Variants in CDH2 observed in about 807,000 individuals in gnomAD.
CDH2 encodes the protein cadherin-2.
CDH2 carries 17 observed loss-of-function variants against 92.0 expected under a neutral mutation model. The observed-to-expected ratio is 0.18, with a 90% CI of 0.13 to 0.28. The LOEUF (loss-of-function observed/expected upper bound fraction) is 0.28. Among genes scored for constraint, CDH2 ranks in the 10% least tolerant of loss-of-function variants. CDH2 has a pLI of 1.00. For missense variants in CDH2, 862 were observed against 1,133.1 expected (o/e 0.76, Z 3.44); for synonymous variants, 419 against 415.9 (o/e 1.01, Z -0.09).
At chr18:28,025,154 G>C (rs186257311) in intron 2 of CDH2, among the ~76,000 whole-genome samples, 12 of 152,084 alleles carry the variant, frequency 7.9e-5, no homozygotes, top group Non-Finnish European at 7.4e-5. Context: ...TCAGGGAGAT[G>C]ATCTGGGGAA....
At chr18:28,016,102 T>G (rs1355844036) in intron 2 of CDH2, among the ~76,000 whole-genome samples, 1 of 152,236 alleles carries the variant, frequency 6.6e-6, no homozygotes, top group Non-Finnish European at 1.5e-5. Context: ...GCCTATGCCC[T>G]CATTTGGAAC....
chr18:27,953,515 C>T (rs537486809), intron 15 of CDH2, among the ~76,000 whole-genome samples: 2 of 152,286 alleles, frequency 1.3e-5, no homozygotes, highest in East Asian at 3.9e-4. Context: ...AGATGTGTCA[C>T]AGACAGTCCT....
intron 2 of CDH2, among the ~76,000 whole-genome samples, chr18:28,116,825 T>C (rs886619752): frequency 6.6e-6 from 1 of 152,128 alleles, no homozygotes; most frequent in South Asian, 2.1e-4. Context: ...CCTGAAAGAA[T>C]TAACACTGGC....
At chr18:28,168,786 A>C (rs1036643665) in intron 1 of CDH2, among the ~76,000 whole-genome samples, 1 of 152,108 alleles carries the variant, frequency 6.6e-6, no homozygotes, top group African/African-American at 2.4e-5. Context: ...GATTAAACAG[A>C]GAGTGTAATT....
At chr18:27,983,492 C>T (rs1386758586) in intron 13 of CDH2, among the ~76,000 whole-genome samples, 1 of 152,108 alleles carries the variant, frequency 6.6e-6, no homozygotes, top group African/African-American at 2.4e-5. Context: ...TTCGGTTGGT[C>T]AGTCATCATT....
At chr18:27,973,726 C>T (rs561622328) in intron 14 of CDH2, among the ~76,000 whole-genome samples, 205 of 152,276 alleles carry the variant, frequency 1.3e-3, no homozygotes, top group Non-Finnish European at 2.5e-3. Context: ...TCTAGACACA[C>T]TGAAGGTTAT....
At chr18:27,997,728 A>G (rs992137352) in intron 7 of CDH2, among the ~76,000 whole-genome samples, 7 of 152,108 alleles carry the variant, frequency 4.6e-5, no homozygotes, top group Admixed American at 2.6e-4. Flanking sequence ...TTGCCTCTAG[A>G]TAAATTGGGT....
At chr18:28,162,886 G>A (rs1340264751) in intron 1 of CDH2, among the ~76,000 whole-genome samples, 1 of 152,192 alleles carries the variant, frequency 6.6e-6, no homozygotes, top group Non-Finnish European at 1.5e-5. Context: ...AGGATTATAT[G>A]AAAATGCAGG....
In CDH2 at chr18:28,036,194, A is replaced by G. The variant is rs188249197; in HGVS notation, c.173-22285T>C. 8.5e-5 allele frequency among the ~76,000 whole-genome samples: 13 copies of G among 152,256 alleles called. No individual in the cohort carries two copies. The East Asian group carries it at 2.3e-3, about 27-fold the overall frequency. On this transcript the variant is annotated intron_variant, in intron 2 of 15. Transcript: ENST00000269141. ...TTGAAATACAGATGTACAACTCTCT[A>G]AGCCTACAACTCTAGAGAAGACAAG...
chr18:27,994,606 G>T (rs2012523741), intron 7 of CDH2, among the ~76,000 whole-genome samples: 1 of 152,188 alleles, frequency 6.6e-6, no homozygotes, highest in South Asian at 2.1e-4. Flanking sequence ...TTTCATAAAT[G>T]TTAAAACATT....
chr18:28,158,030 T>C (rs943624319), intron 1 of CDH2, among the ~76,000 whole-genome samples: 7 of 152,200 alleles, frequency 4.6e-5, no homozygotes, highest in African/African-American at 1.4e-4. Flanking sequence ...TCATGTACAA[T>C]TAGGCCCATT....
intron 2 of CDH2, among the ~76,000 whole-genome samples, chr18:28,084,367 C>CA (rs1442463402): frequency 6.6e-6 from 1 of 151,952 alleles, no homozygotes; most frequent in Non-Finnish European, 1.5e-5. Flanking sequence ...TACAACAGTA[C>CA]AAAATAGTAC....
intron 2 of CDH2, among the ~76,000 whole-genome samples, chr18:28,119,351 G>A (rs977040937): frequency 3.3e-5 from 5 of 151,998 alleles, no homozygotes; most frequent in Non-Finnish European, 5.9e-5. Flanking sequence ...GAGCCAAAAC[G>A]AATGTGTGAA....
chr18:28,094,475 T>C (rs186809680), intron 2 of CDH2, among the ~76,000 whole-genome samples: 77 of 144,218 alleles, frequency 5.3e-4, no homozygotes, highest in African/African-American at 2.0e-3. Flanking sequence ...GAGACAGAGT[T>C]AGACTCTGTC....
At chr18:28,013,515 T>C (rs531363238) in intron 3 of CDH2, among the ~76,000 whole-genome samples, 168 bp downstream of exon 3, 1 of 152,354 alleles carries the variant, frequency 6.6e-6, no homozygotes, top group African/African-American at 2.4e-5. Context: ...TTAGTCTACG[T>C]ATCTTAAGAG....
chr18:28,116,759 A>G (rs1472210726), intron 2 of CDH2, among the ~76,000 whole-genome samples: 1 of 152,160 alleles, frequency 6.6e-6, no homozygotes, highest in East Asian at 1.9e-4. Flanking sequence ...AGTGCCTCAA[A>G]GTGTGAACTC....
intron 7 of CDH2, among the ~76,000 whole-genome samples, chr18:27,997,484 G>A (rs1179548840): frequency 6.6e-6 from 1 of 152,192 alleles, no homozygotes; most frequent in East Asian, 1.9e-4. Context: ...ACCTTCAATA[G>A]TGCATACCAA....
At chr18:28,047,368 T>A (rs1337225866) in intron 2 of CDH2, among the ~76,000 whole-genome samples, 1 of 152,192 alleles carries the variant, frequency 6.6e-6, no homozygotes, top group East Asian at 1.9e-4. Flanking sequence ...ACAGAGGTTA[T>A]GTTTCGCCTG....
chr18:27,948,863 C>T (rs947712004), downstream of CDH2, among the ~76,000 whole-genome samples: 8 of 151,946 alleles, frequency 5.3e-5, no homozygotes, highest in East Asian at 3.9e-4. Context: ...AATTTGGCAA[C>T]GTCTTACTAA....
Sources: allele counts gnomAD v4.1 joint callset (sites outside exome capture counted in the v4.1 genomes callset), GRCh38; gene constraint gnomAD v4.1.1; transcripts MANE v1.5; gene names NCBI Gene and HGNC (gene_info 2026-07-23, HGNC 2026-07-21).